Variants in AP2B1 observed in about 807,000 individuals in gnomAD.
AP2B1 encodes adaptor related protein complex 2 subunit beta 1.
In AP2B1, 23 loss-of-function variants were observed where a neutral mutation model predicts 102.0. That is an observed-to-expected ratio of 0.23 (90% CI 0.16 to 0.32). The LOEUF is 0.32. AP2B1 is among the 10% of genes least tolerant of loss of function. The probability of loss-of-function intolerance (pLI) is 1.00; values close to 1 mark genes in which losing one functional copy is unlikely to be tolerated. For missense variants in AP2B1, 541 were observed against 1,157.4 expected, an observed-to-expected ratio of 0.47 and a Z score of 7.73; for synonymous variants, 381 against 421.2, an observed-to-expected ratio of 0.90 and a Z score of 1.17.
At chr17:35,664,589 G>A (rs1182805888) in intron 14 of AP2B1, among the ~76,000 whole-genome samples, 1 of 151,994 alleles carries the variant, frequency 6.6e-6, no homozygotes, top group Non-Finnish European at 1.5e-5. Flanking sequence ...ACTGCCAGTA[G>A]CCATATATAT....
rs1597936063 is a variant in AP2B1, at chr17:35,587,398, A to G, written c.-54A>G. On this transcript the variant is annotated 5_prime_UTR_variant, in exon 1 of 22. Transcript: ENST00000610402. ...GCTGTGCTCTCCGGCTCCCGCCGCC[A>G]CCCCCGCCCTCGCCTTCGCCTCCGC... 1 of 153,156 alleles carries G rather than the reference A, an allele frequency of 6.5e-6. No homozygotes were observed. Among genetic ancestry groups the G allele is most frequent in the African/African-American group, 2.4e-5 (1 of 41,384 alleles). 9.5% of individuals were successfully genotyped at this position (153,156 alleles called of 1,614,324 possible). A position where few individuals can be genotyped will look rare whatever the true frequency, so the allele number is the denominator to read the frequency against.
intron 18 of AP2B1, among the ~76,000 whole-genome samples, chr17:35,688,392 T>C (rs2075977901): frequency 6.6e-6 from 1 of 152,216 alleles, no homozygotes; most frequent in Non-Finnish European, 1.5e-5. Flanking sequence ...CAGTGAAAGC[T>C]TGTACTTTGT....
intron 4 of AP2B1, among the ~76,000 whole-genome samples, 154 bp downstream of exon 4, chr17:35,605,994 A>G (rs542264856): frequency 1.3e-5 from 2 of 152,304 alleles, no homozygotes; most frequent in Non-Finnish European, 2.9e-5. Context: ...GGGAAATTCA[A>G]ACCATGTGCT....
chr17:35,641,901 A>C lies in AP2B1; in HGVS notation c.1462A>C (p.Ile488Leu). 1 of 1,612,708 alleles carries C rather than the reference A, an allele frequency of 6.2e-7. No homozygotes were observed. The change falls in exon 12 of 22, where the codon ATA (isoleucine) becomes CTA (leucine). Residue 488 changes from isoleucine to leucine, a missense_variant. This residue lies in a region of AP2B1 where 106 missense variants were observed against 296.4 expected (regional missense o/e 0.36). Coordinates refer to ENST00000610402, the MANE Select transcript of AP2B1 (RefSeq NM_001030006.2). ...TQVQLTLLTA[I>L]VKLFLKKPSE... ...GGTGCAGCTCACTCTGCTTACTGCC[A>C]TAGTGAAGCTGTTTCTCAAGAAACC...
chr17:35,708,268 G>A (rs1555585772), intron 18 of AP2B1, among the ~76,000 whole-genome samples: 1 of 152,180 alleles, frequency 6.6e-6, no homozygotes, highest in Non-Finnish European at 1.5e-5. Context: ...GCATAGATAG[G>A]AAAGTCATTA....
intron 3 of AP2B1, among the ~76,000 whole-genome samples, chr17:35,602,630 A>C (rs977274145): frequency 6.6e-6 from 1 of 152,236 alleles, no homozygotes; most frequent in African/African-American, 2.4e-5. Flanking sequence ...AAAAATTATT[A>C]ATGAGATATT....
At chr17:35,704,973 G>C (rs1196947461) in intron 18 of AP2B1, among the ~76,000 whole-genome samples, 1 of 152,194 alleles carries the variant, frequency 6.6e-6, no homozygotes, top group Non-Finnish European at 1.5e-5. Flanking sequence ...GGAGGTTGCA[G>C]TGAGCCGAGA....
intron 18 of AP2B1, among the ~76,000 whole-genome samples, chr17:35,699,169 G>T (rs1215372128): frequency 6.6e-6 from 1 of 152,170 alleles, no homozygotes; most frequent in Non-Finnish European, 1.5e-5. Flanking sequence ...TTGGCTCTTA[G>T]GAGCTCATTG....
chr17:35,717,108 C>T, intron 20 of AP2B1, 87 bp from the exon 21 acceptor site: 2 of 1,457,822 alleles, frequency 1.4e-6, no homozygotes, highest in Non-Finnish European at 1.9e-6. Context: ...GAACTGAACA[C>T]ACATGGCTCA....
At chr17:35,681,745 C>G (rs1356507189) in intron 17 of AP2B1, among the ~76,000 whole-genome samples, 1 of 152,136 alleles carries the variant, frequency 6.6e-6, no homozygotes, top group Admixed American at 6.5e-5. Flanking sequence ...CAAGAATTAT[C>G]TAAGGAAAGA....
intron 5 of AP2B1, 69 bp from the exon 6 acceptor site, chr17:35,624,328 G>A: frequency 7.1e-7 from 1 of 1,408,166 alleles, no homozygotes; most frequent in South Asian, 1.2e-5. Context: ...CCCAGAGAAG[G>A]CTGATGAAGT....
At chr17:35,595,949 T>C (rs1052546712) in intron 2 of AP2B1, among the ~76,000 whole-genome samples, 1 of 152,188 alleles carries the variant, frequency 6.6e-6, no homozygotes, top group African/African-American at 2.4e-5. Context: ...CTCCTAATTC[T>C]TCAAACCTAC....
chr17:35,697,567 A>C (rs1008526651), intron 18 of AP2B1, among the ~76,000 whole-genome samples: 5 of 152,198 alleles, frequency 3.3e-5, no homozygotes, highest in African/African-American at 1.2e-4. Context: ...TAGATGCCCG[A>C]CAGGAAATGG....
intron 20 of AP2B1, among the ~76,000 whole-genome samples, chr17:35,714,621 G>A (rs1471404193): frequency 1.3e-5 from 2 of 152,154 alleles, no homozygotes; most frequent in African/African-American, 4.8e-5. Context: ...GAGGCAGGAG[G>A]ATAATGTGAG....
At chr17:35,621,720 T>A (rs34033683) in intron 5 of AP2B1, among the ~76,000 whole-genome samples, 29 of 152,372 alleles carry the variant, frequency 1.9e-4, no homozygotes, top group African/African-American at 6.7e-4. Flanking sequence ...TAATTTCCAG[T>A]TGCCTATAAT....
intron 12 of AP2B1, among the ~76,000 whole-genome samples, chr17:35,648,743 A>AGTGTGTGTGT (rs10668040): frequency 0.095 from 14,044 of 148,538 alleles, 706 homozygotes; most frequent in East Asian, 0.12. Context: ...ATATGAAATA[A>AGTGTGTGTGT]GTGTGTGTGT....
At chr17:35,700,423 A>C (rs2076218976) in intron 18 of AP2B1, among the ~76,000 whole-genome samples, 1 of 152,046 alleles carries the variant, frequency 6.6e-6, no homozygotes, top group South Asian at 2.1e-4. Flanking sequence ...CCAAAAGCTA[A>C]AAGGAGAAGA....
chr17:35,614,581 CT>C (rs2073959124), intron 5 of AP2B1, among the ~76,000 whole-genome samples: 1 of 147,962 alleles, frequency 6.8e-6, no homozygotes, highest in Admixed American at 6.9e-5. Context: ...GTCTATCACT[CT>C]CACAGCTGCC....
intron 5 of AP2B1, among the ~76,000 whole-genome samples, chr17:35,622,631 G>A (rs1018083773): frequency 6.6e-6 from 1 of 152,126 alleles, no homozygotes; most frequent in East Asian, 1.9e-4. Context: ...GCTGAAGCTT[G>A]TCTCCTATCA....
Sources: gnomAD v4.1 joint callset for allele counts (sites outside exome capture counted in the v4.1 genomes callset) on GRCh38, gnomAD v4.1.1 for gene constraint, gnomAD v4.1.1 regional missense constraint, MANE v1.5 for transcripts, NCBI Gene and HGNC (gene_info 2026-07-23, HGNC 2026-07-21) for gene names.